BOLL: variants seen among roughly 807,000 people sequenced by gnomAD.
BOLL encodes the protein protein boule-like.
BOLL carries 23 observed loss-of-function variants against 44.4 expected under a neutral mutation model. The observed-to-expected ratio is 0.52, with a 90% CI of 0.37 to 0.73. BOLL has a LOEUF of 0.73. Among genes scored for constraint, BOLL ranks in the 30% least tolerant of loss-of-function variants. BOLL has a pLI of 0.00. For synonymous variants in BOLL, 97 were observed against 110.8 expected, an observed-to-expected ratio of 0.88 and a Z score of 0.78; for missense variants, 287 against 338.3, an observed-to-expected ratio of 0.85 and a Z score of 1.19.
chr2:197,758,982 C>A (rs1456566939), intron 7 of BOLL: 1 of 1,535,974 alleles, frequency 6.5e-7, no homozygotes, highest in Non-Finnish European at 8.7e-7. Flanking sequence ...GTCCATCCAT[C>A]TTCTTGTATG....
intron 10 of BOLL, among the ~76,000 whole-genome samples, chr2:197,729,748 G>A (rs1687058777): frequency 6.6e-6 from 1 of 152,018 alleles, no homozygotes; most frequent in Admixed American, 6.5e-5. Flanking sequence ...CTGCAGCTGA[G>A]GGTCCTCTCT....
intron 3 of BOLL, among the ~76,000 whole-genome samples, chr2:197,777,441 T>A (rs1218085589): frequency 6.6e-6 from 1 of 151,854 alleles, no homozygotes; most frequent in Non-Finnish European, 1.5e-5. Context: ...AATAATCTCC[T>A]TTTAAACTAA....
intron 10 of BOLL, among the ~76,000 whole-genome samples, chr2:197,737,876 A>G (rs1212283819): frequency 6.6e-6 from 1 of 152,118 alleles, no homozygotes; most frequent in East Asian, 1.9e-4. Flanking sequence ...TCAGTATTTT[A>G]CTTAGAAGAA....
intron 10 of BOLL, among the ~76,000 whole-genome samples, chr2:197,739,417 A>G (rs780539807): frequency 2.6e-5 from 4 of 152,136 alleles, no homozygotes; most frequent in African/African-American, 9.6e-5. Context: ...GTGCACCACC[A>G]TGCCCAGATA....
At chr2:197,781,364 A>G (rs924048015) in intron 2 of BOLL, among the ~76,000 whole-genome samples, 6 of 152,098 alleles carry the variant, frequency 3.9e-5, no homozygotes, top group Non-Finnish European at 8.8e-5. Context: ...TTTGAAAATT[A>G]TAATAATCAA....
chr2:197,740,863 C>T (rs2106323574), intron 10 of BOLL, among the ~76,000 whole-genome samples: 1 of 152,206 alleles, frequency 6.6e-6, no homozygotes, highest in East Asian at 1.9e-4. Flanking sequence ...CTGAATTGTA[C>T]ACTTAACAAT....
At chr2:197,736,284 T>G (rs777136085) in intron 10 of BOLL, among the ~76,000 whole-genome samples, 4 of 151,848 alleles carry the variant, frequency 2.6e-5, no homozygotes, top group Non-Finnish European at 4.4e-5. Context: ...AAATAACTAA[T>G]CAATATTTTA....
chr2:197,742,016 C>T (rs1159189937), intron 10 of BOLL, among the ~76,000 whole-genome samples: 2 of 152,174 alleles, frequency 1.3e-5, no homozygotes, highest in Non-Finnish European at 2.9e-5. Context: ...TATTAACAGA[C>T]ACTTCTCAAA....
Position 197,726,922 on chromosome 2 carries a change from T to C in BOLL, c.*1633A>G, listed in dbSNP as rs1686871329. On this transcript the variant is annotated 3_prime_UTR_variant, in exon 11 of 11. Coordinates refer to ENST00000392296, the MANE Select transcript of BOLL (RefSeq NM_033030.6). ...ATACATAATTAATTTTTATTAACAGTCCAGGATTTGTTTAGCATCTTGTTT... is the reference window on the plus strand; with the variant it reads ...ATACATAATTAATTTTTATTAACAGCCCAGGATTTGTTTAGCATCTTGTTT... The C allele has an allele frequency of 6.6e-6, 1 of 152,618 alleles. No homozygotes were observed. The highest frequency in any genetic ancestry group is 1.5e-5 in the Non-Finnish European group (1 of 68,022). 9.5% of individuals were successfully genotyped at this position (152,618 alleles called of 1,614,324 possible).
In BOLL at chr2:197,756,433, G is replaced by A. The variant is rs2106349573; in HGVS notation, c.724C>T (p.Pro242Ser). Residue 242 changes from proline to serine, a missense_variant, in exon 9 of 11, where the codon CCA (proline) becomes TCA (serine). Physicochemically the swap from Pro to Ser is moderately conservative, Grantham distance 74. Coordinates refer to ENST00000392296, the MANE Select transcript of BOLL (RefSeq NM_033030.6). ...ACTTTAAGACTAATACATACCTCTG[G>A]AACTGAAGTTTCCATCAGAGACAGT... ...PPLSLMETSV[P>S]EPYSDHGVQA... is the part of the protein sequence containing the mutation. 1 of 1,607,664 alleles carries A rather than the reference G, an allele frequency of 6.2e-7. No homozygotes were observed. Among genetic ancestry groups the A allele is most frequent in the African/African-American group, 1.3e-5 (1 of 74,816 alleles).
chr2:197,742,365 G>A (rs1246793905), intron 10 of BOLL, among the ~76,000 whole-genome samples: 1 of 152,126 alleles, frequency 6.6e-6, no homozygotes, highest in East Asian at 1.9e-4. Flanking sequence ...ACATGCACAC[G>A]TATGTTTATT....
intron 6 of BOLL, among the ~76,000 whole-genome samples, chr2:197,770,594 C>T (rs1200625882): frequency 6.6e-6 from 1 of 151,896 alleles, no homozygotes; most frequent in African/African-American, 2.4e-5. Flanking sequence ...TGCAATCTAC[C>T]CATCTGACAA....
intron 5 of BOLL, among the ~76,000 whole-genome samples, chr2:197,775,015 A>G (rs1689444337): frequency 6.6e-6 from 1 of 151,954 alleles, no homozygotes. Context: ...TAAATTTTAC[A>G]TCACATTTCT....
chr2:197,735,930 A>C (rs1687463654), intron 10 of BOLL, among the ~76,000 whole-genome samples: 1 of 152,018 alleles, frequency 6.6e-6, no homozygotes, highest in Non-Finnish European at 1.5e-5. Flanking sequence ...GTTAAGAGGG[A>C]GGCACTAAAA....
At chr2:197,739,075 C>T (rs537670369) in intron 10 of BOLL, among the ~76,000 whole-genome samples, 3 of 152,004 alleles carry the variant, frequency 2.0e-5, no homozygotes, top group Non-Finnish European at 2.9e-5. Flanking sequence ...AGTGGGGTAT[C>T]GTTTTGTATT....
At chr2:197,785,959 T>C (rs776963680), upstream of BOLL, 2 of 1,578,964 alleles carry the variant, frequency 1.3e-6, no homozygotes, top group Non-Finnish European at 1.7e-6. This position sits in a 1 kb window ranked among gnomAD's most constrained non-coding sequence, Gnocchi z 6.7. Context: ...TCCCGCGCCC[T>C]GGGGCCCTGA....
chr2:197,775,218 C>T (rs1423291385), intron 5 of BOLL, among the ~76,000 whole-genome samples: 1 of 151,770 alleles, frequency 6.6e-6, no homozygotes, highest in Admixed American at 6.6e-5. Context: ...AAAATTATGA[C>T]ACACCTGGCT....
At chr2:197,729,560 C>T (rs1179875113) in intron 10 of BOLL, among the ~76,000 whole-genome samples, 1 of 152,140 alleles carries the variant, frequency 6.6e-6, no homozygotes, top group Non-Finnish European at 1.5e-5. Context: ...CTTAAATGTC[C>T]CTGTCTGACA....
chr2:197,756,521 T>A lies in BOLL; in HGVS notation c.636A>T (p.Gln212His). The change falls in exon 9 of 11, where the codon CAA (glutamine) becomes CAT (histidine). Residue 212 changes from glutamine (Q) to histidine (H), a missense_variant. By Grantham distance (24) the Gln-to-His change is conservative. Coordinates refer to ENST00000392296, the MANE Select transcript of BOLL (RefSeq NM_033030.6). Reference sequence around the variant, plus strand: ...CTGGTTGATAAATAACCTCAGAAGGTTGCAGGTATAAGAATGGAGCAGAAG... The same window carrying A: ...CTGGTTGATAAATAACCTCAGAAGGATGCAGGTATAAGAATGGAGCAGAAG... Reference protein sequence around the residue: ...SASSAPFLYLQPSEVIYQPVE... With the variant: ...SASSAPFLYLHPSEVIYQPVE... 1 of 1,612,042 alleles carries A rather than the reference T, an allele frequency of 6.2e-7. No homozygotes were observed. Among genetic ancestry groups the A allele is most frequent in the South Asian group, 1.1e-5 (1 of 90,882 alleles).
Sources: gnomAD v4.1 joint callset for allele counts (sites outside exome capture counted in the v4.1 genomes callset) on GRCh38, gnomAD v4.1.1 for gene constraint, Gnocchi (gnomAD v3.1) non-coding constraint, MANE v1.5 for transcripts, NCBI Gene and HGNC (gene_info 2026-07-23, HGNC 2026-07-21) for gene names.